ROBO1: variants seen among roughly 807,000 people sequenced by gnomAD.
ROBO1 encodes roundabout guidance receptor 1, also known as roundabout homolog 1.
A neutral mutation model predicts 195.9 loss-of-function variants in ROBO1; 149 were observed. The ratio of observed to expected loss-of-function variants is 0.76; its 90% CI spans 0.67 to 0.87. The LOEUF (loss-of-function observed/expected upper bound fraction) is 0.87, where lower values mean the gene tolerates loss of function less well. Ranked by LOEUF, ROBO1 falls within the 40% of genes least tolerant of loss-of-function variation. ROBO1 has a pLI of 0.00. For synonymous variants in ROBO1, 816 were observed against 733.2 expected (o/e 1.11, Z -1.82); for missense variants, 1,933 against 2,068.3 (o/e 0.93, Z 1.27).
chr3:78,950,924 C>T (rs1293103987), intron 3 of ROBO1, among the ~76,000 whole-genome samples: 1 of 151,804 alleles, frequency 6.6e-6, no homozygotes, highest in Non-Finnish European at 1.5e-5. Context: ...ATTCTGAGAA[C>T]CTCAATTCCT....
chr3:78,920,396 C>G (rs902920415), intron 4 of ROBO1, among the ~76,000 whole-genome samples: 3 of 151,778 alleles, frequency 2.0e-5, no homozygotes, highest in African/African-American at 7.3e-5. Flanking sequence ...CCTCTGCCTC[C>G]CAGGTTCAAG....
intron 2 of ROBO1, among the ~76,000 whole-genome samples, chr3:79,323,267 AG>A (rs1354463359): frequency 6.6e-6 from 1 of 151,998 alleles, no homozygotes. Flanking sequence ...TTTTTAGTAG[AG>A]ACGGGGTTTC....
chr3:78,898,295 A>G (rs1183107011), intron 4 of ROBO1, among the ~76,000 whole-genome samples: 1 of 150,610 alleles, frequency 6.6e-6, no homozygotes, highest in Non-Finnish European at 1.5e-5. Flanking sequence ...CAAAATAACA[A>G]AAGTGCAATA....
At chr3:78,915,047 G>A (rs560077594) in intron 4 of ROBO1, among the ~76,000 whole-genome samples, 403 of 152,042 alleles carry the variant, frequency 2.7e-3, no homozygotes, top group African/African-American at 8.6e-3. Flanking sequence ...AGACAGAAAC[G>A]ATATAGAAAA....
chr3:78,698,695 G>C (rs1354637126), intron 8 of ROBO1, among the ~76,000 whole-genome samples: 3 of 152,140 alleles, frequency 2.0e-5, no homozygotes. Flanking sequence ...AATGTCAACA[G>C]TGCCAAGATT....
At chr3:78,805,322 A>G (rs993177643) in intron 4 of ROBO1, among the ~76,000 whole-genome samples, 1 of 152,076 alleles carries the variant, frequency 6.6e-6, no homozygotes, top group Non-Finnish European at 1.5e-5. Flanking sequence ...GACTAATTTA[A>G]TTTCCCTCCT....
chr3:78,756,637 TTGTG>T lies in ROBO1; in HGVS notation c.500-9741_500-9738del, dbSNP rs577446621. On this transcript the variant is annotated intron_variant, in intron 4 of 30. Coordinates refer to ENST00000464233, the MANE Select transcript of ROBO1 (RefSeq NM_002941.4). ...TTATTTCAGAATTTTTCTCTCTCCT[TTGTG>T]TGTGCGTGTGTGCATGTGTGTATGT... is the stretch of plus-strand genomic sequence containing the variant. Among the ~76,000 whole-genome samples, 14 of 152,226 alleles carry T rather than the reference TTGTG, an allele frequency of 9.2e-5. No homozygotes were observed. In the East Asian group the frequency reaches 2.7e-3, roughly 29 times the overall value.
At chr3:79,367,791 G>A (rs1172970919) in intron 2 of ROBO1, among the ~76,000 whole-genome samples, 4 of 152,106 alleles carry the variant, frequency 2.6e-5, no homozygotes, top group East Asian at 1.9e-4. Context: ...TAAGTATTAC[G>A]AGTTTCGTAG....
At chr3:79,661,859 A>G (rs1205608792) in intron 1 of ROBO1, among the ~76,000 whole-genome samples, 2 of 151,914 alleles carry the variant, frequency 1.3e-5, no homozygotes, top group Non-Finnish European at 2.9e-5. Flanking sequence ...TGTAGCAAAT[A>G]CTCCAGTCAA....
At chr3:79,632,521 G>C (rs1047753581) in intron 1 of ROBO1, among the ~76,000 whole-genome samples, 1 of 152,064 alleles carries the variant, frequency 6.6e-6, no homozygotes, top group African/African-American at 2.4e-5. Flanking sequence ...TACCCATTGG[G>C]TACAAGTTTC....
At chr3:78,809,048 G>C (rs1044943945) in intron 4 of ROBO1, among the ~76,000 whole-genome samples, 1 of 152,042 alleles carries the variant, frequency 6.6e-6, no homozygotes. Context: ...ACTACCATCA[G>C]AGTGAACAGG....
intron 4 of ROBO1, among the ~76,000 whole-genome samples, chr3:78,888,388 T>A (rs2036687211): frequency 1.3e-5 from 2 of 152,042 alleles, no homozygotes; most frequent in African/African-American, 4.8e-5. Flanking sequence ...GAAGGTGGAG[T>A]TTAAACTATT....
intron 7 of ROBO1, chr3:78,715,316 C>T (rs1045380595): frequency 2.0e-5 from 3 of 152,068 alleles, no homozygotes; most frequent in Admixed American, 6.5e-5. Context: ...AACACATTTA[C>T]GTATCTTCTT....
At chr3:79,612,297 G>C (rs549507520) in intron 1 of ROBO1, among the ~76,000 whole-genome samples, 3 of 146,372 alleles carry the variant, frequency 2.0e-5, no homozygotes, top group African/African-American at 7.6e-5. Flanking sequence ...TTTTGTTCTT[G>C]CGATAGTTTA....
At chr3:79,099,850 G>T (rs991849156) in intron 3 of ROBO1, among the ~76,000 whole-genome samples, 2 of 151,572 alleles carry the variant, frequency 1.3e-5, no homozygotes, top group Non-Finnish European at 2.9e-5. Flanking sequence ...TTTTAACTGG[G>T]TATGATGTGT....
chr3:79,034,781 A>C (rs1462969403), intron 3 of ROBO1, among the ~76,000 whole-genome samples: 4 of 152,146 alleles, frequency 2.6e-5, no homozygotes, highest in Non-Finnish European at 5.9e-5. Flanking sequence ...ATAAGTTTAT[A>C]GGTAGTGACA....
At chr3:79,342,028 A>C (rs1284633593) in intron 2 of ROBO1, among the ~76,000 whole-genome samples, 1 of 152,204 alleles carries the variant, frequency 6.6e-6, no homozygotes, top group Non-Finnish European at 1.5e-5. Flanking sequence ...TTCCAATTGA[A>C]GGGAAACTCA....
At chr3:79,571,991 T>C (rs1478770599) in intron 2 of ROBO1, among the ~76,000 whole-genome samples, 1 of 152,060 alleles carries the variant, frequency 6.6e-6, no homozygotes, top group African/African-American at 2.4e-5. Context: ...CTATTTAACA[T>C]GGAAGTCAAA....
intron 4 of ROBO1, among the ~76,000 whole-genome samples, chr3:78,807,908 G>A (rs1408873530): frequency 2.1e-5 from 1 of 47,418 alleles, no homozygotes; most frequent in East Asian, 7.0e-4. Context: ...CATTAATATT[G>A]AACAAACATT....
Sources: allele counts gnomAD v4.1 joint callset (sites outside exome capture counted in the v4.1 genomes callset), GRCh38; gene constraint gnomAD v4.1.1; transcripts MANE v1.5; gene names NCBI Gene and HGNC (gene_info 2026-07-23, HGNC 2026-07-21).